The following PCDH15 variants were observed in gnomAD, a reference collection of about 807,000 sequenced individuals.
PCDH15 encodes the protein protocadherin-15.
Under a neutral mutation model 178.5 loss-of-function variants are expected in PCDH15, and 129 were observed. That is an observed-to-expected ratio of 0.72 (90% CI 0.63 to 0.84). The LOEUF (loss-of-function observed/expected upper bound fraction) is 0.84. PCDH15 is among the 40% of genes least tolerant of loss of function. The probability of loss-of-function intolerance (pLI) is 0.00; values close to 1 mark genes in which losing one functional copy is unlikely to be tolerated. For missense variants in PCDH15, 2,230 were observed against 2,099.9 expected (o/e 1.06, Z -1.21); for synonymous variants, 800 against 732.0 (o/e 1.09, Z -1.50).
At chr10:55,194,926 G>A (rs1012676802) in intron 1 of PCDH15, among the ~76,000 whole-genome samples, 1 of 151,724 alleles carries the variant, frequency 6.6e-6, no homozygotes, top group Non-Finnish European at 1.5e-5. Flanking sequence ...AAATGTTATA[G>A]CAATTCATGC....
At chr10:54,219,025 G>A (rs1466310606) in intron 9 of PCDH15, among the ~76,000 whole-genome samples, 35 of 151,068 alleles carry the variant, frequency 2.3e-4, no homozygotes, top group African/African-American at 6.8e-4. Context: ...AGGCCGAGGC[G>A]GGAGGATCAC....
At position 55,157,973 on chromosome 10, in the gene PCDH15, AACATAAAT is replaced by A. The variant is rs568389664; in HGVS notation, c.-80+8595_-80+8602del. Among the ~76,000 whole-genome samples the A allele has an allele frequency of 6.7e-3, 832 of 123,932 alleles. 5 individuals carry two copies. The highest frequency in any genetic ancestry group is 0.027 in the African/African-American group (781 of 29,170). The allele number at this position is 123,932 out of a possible 152,430, so 81.3% of individuals were successfully genotyped here. On this transcript the variant is annotated intron_variant, in intron 2 of 5. Transcript: ENST00000458638. ...GGATAATTTAAAAAATAAATAAATT[AACATAAAT>A]ACATAAATATTGTGCAAACTATTGG...
chr10:54,170,211 G>C (rs571026023), intron 13 of PCDH15, among the ~76,000 whole-genome samples: 1 of 150,402 alleles, frequency 6.6e-6, no homozygotes, highest in Non-Finnish European at 1.5e-5. Context: ...AAAAACACAC[G>C]TGCTCTCCCT....
chr10:54,166,010 G>C (rs1400551589), intron 13 of PCDH15, among the ~76,000 whole-genome samples: 2 of 152,174 alleles, frequency 1.3e-5, no homozygotes, highest in Non-Finnish European at 2.9e-5. Context: ...CAAAGGGGCT[G>C]GGAGAATAAA....
At chr10:55,114,534 T>C (rs1837583895) in intron 2 of PCDH15, among the ~76,000 whole-genome samples, 1 of 152,220 alleles carries the variant, frequency 6.6e-6, no homozygotes, top group South Asian at 2.1e-4. Flanking sequence ...ACGGTCTGGA[T>C]TTTCCAGCTC....
In PCDH15 at chr10:54,875,201, A is replaced by G. The variant is rs560174239; in HGVS notation, c.-29+22249T>C. Among the ~76,000 whole-genome samples the G allele has an allele frequency of 2.0e-5, 3 of 152,280 alleles. No homozygotes were observed. The East Asian group carries it at 5.8e-4, about 29-fold the overall frequency. ...CATTGTGATTACATGTGTTATGGTT[A>G]TCTGTGATCACTGATCTTTGATGTT... is the stretch of plus-strand genomic sequence containing the variant. On this transcript the variant is annotated intron_variant, in intron 3 of 5. Coordinates refer to the PCDH15 transcript ENST00000458638.
At chr10:55,032,178 C>T (rs566363785) in intron 2 of PCDH15, among the ~76,000 whole-genome samples, 8 of 152,050 alleles carry the variant, frequency 5.3e-5, no homozygotes, top group Admixed American at 2.0e-4. Flanking sequence ...ACAATAAAGG[C>T]CATTCTGATT....
rs114988427 is a variant in PCDH15 at position 53,960,731 on chromosome 10, G to A, written c.3010-887C>T. 2.2e-3 allele frequency among the ~76,000 whole-genome samples: 336 copies of A among 152,278 alleles called. 2 individuals are homozygous for A. Among genetic ancestry groups the A allele is most frequent in the African/African-American group, 7.6e-3 (314 of 41,568 alleles). On this transcript the variant is annotated intron_variant, in intron 22 of 37. Transcript: ENST00000644397. ...CCTGAGAGCCACAATTGACCTTTGG[G>A]TTAATGCTAATTTACAAACTGATCA...
At chr10:55,024,834 A>G (rs1840433611) in intron 2 of PCDH15, among the ~76,000 whole-genome samples, 1 of 151,924 alleles carries the variant, frequency 6.6e-6, no homozygotes. Context: ...GGCCTTCATT[A>G]TTTCTATTCT....
intron 1 of PCDH15, among the ~76,000 whole-genome samples, chr10:55,175,363 T>G (rs939090319): frequency 1.3e-5 from 2 of 151,992 alleles, no homozygotes; most frequent in Non-Finnish European, 2.9e-5. Flanking sequence ...GATAAGTTTA[T>G]TATTCAGGCA....
At chr10:54,839,317 A>G (rs1477098665) in intron 3 of PCDH15, among the ~76,000 whole-genome samples, 1 of 152,088 alleles carries the variant, frequency 6.6e-6, no homozygotes, top group Non-Finnish European at 1.5e-5. Context: ...AGAAATAGAA[A>G]CCATAAAAAG....
chr10:55,547,910 T>TGTGTGTGAGAGA (rs541144266), intron 2 of PCDH15, among the ~76,000 whole-genome samples: 1,964 of 54,364 alleles, frequency 0.036, 104 homozygotes, highest in Middle Eastern at 0.068. Flanking sequence ...TGTGTGTGTG[T>TGTGTGTGAGAGA]GAGAGAGAGA....
chr10:54,180,306 T>C (rs2047865105), intron 13 of PCDH15, among the ~76,000 whole-genome samples: 1 of 152,298 alleles, frequency 6.6e-6, no homozygotes. Flanking sequence ...AAGGATCTGG[T>C]TAAAACTTTA....
At chr10:54,945,351 TG>T (rs1838170922) in intron 2 of PCDH15, among the ~76,000 whole-genome samples, 1 of 138,014 alleles carries the variant, frequency 7.2e-6, no homozygotes, top group Non-Finnish European at 1.6e-5. Context: ...GATAGATAGA[TG>T]ATAGATAGAT....
Position 54,751,644 on chromosome 10 carries a change from A to G in PCDH15, c.-29+49281T>C, listed in dbSNP as rs1005640703. On this transcript the variant is annotated intron_variant, in intron 1 of 37. Transcript: ENST00000644397. Reference sequence around the variant, plus strand: ...CTATCTAGAAAATTTCAAAGTTCAGACTCAAAAATCACTTCTTTGAATCCA... The same window carrying G: ...CTATCTAGAAAATTTCAAAGTTCAGGCTCAAAAATCACTTCTTTGAATCCA... Among the ~76,000 whole-genome samples, 73 of 152,152 alleles carry G rather than the reference A, an allele frequency of 4.8e-4. 1 individual carries two copies. The highest frequency in any genetic ancestry group is 1.7e-3 in the African/African-American group (72 of 41,432).
intron 2 of PCDH15, among the ~76,000 whole-genome samples, chr10:54,989,843 T>C (rs557238474): frequency 6.6e-6 from 1 of 152,256 alleles, no homozygotes; most frequent in African/African-American, 2.4e-5. Context: ...ACAAATCTCA[T>C]CTTGCATTCT....
intron 13 of PCDH15, among the ~76,000 whole-genome samples, chr10:54,178,468 G>A (rs2047656416): frequency 1.3e-5 from 2 of 152,120 alleles, no homozygotes; most frequent in Non-Finnish European, 2.9e-5. Context: ...TGGGCAAAGG[G>A]AAGGGATTAG....
chr10:54,725,967 C>A (rs989255340), intron 1 of PCDH15, among the ~76,000 whole-genome samples: 2 of 151,576 alleles, frequency 1.3e-5, no homozygotes, highest in Non-Finnish European at 3.0e-5. Flanking sequence ...TAAGCAGGTA[C>A]CTGTCTAAAT....
At chr10:53,905,220 C>T (rs763314984) in intron 25 of PCDH15, 1 of 518,946 alleles carries the variant, frequency 1.9e-6, no homozygotes, top group South Asian at 1.4e-5. Context: ...ATCTGCTCCC[C>T]TGTCGTGTCT....
Sources: gnomAD v4.1 joint callset for allele counts (sites outside exome capture counted in the v4.1 genomes callset) on GRCh38, gnomAD v4.1.1 for gene constraint, MANE v1.5 for transcripts, NCBI Gene and HGNC (gene_info 2026-07-23, HGNC 2026-07-21) for gene names.